Variants in PCDHA13 observed in about 807,000 individuals in gnomAD.
PCDHA13 encodes the protein protocadherin alpha-13.
Under a neutral mutation model 64.8 loss-of-function variants are expected in PCDHA13, and 54 were observed. The observed-to-expected ratio is 0.83, with a 90% CI of 0.67 to 1.04. The LOEUF is 1.04. PCDHA13 is among the 50% of genes least tolerant of loss of function. The pLI is 0.00. For missense variants in PCDHA13, 1,248 were observed against 1,254.3 expected, an observed-to-expected ratio of 0.99 and a Z score of 0.08; for synonymous variants, 587 against 564.4, an observed-to-expected ratio of 1.04 and a Z score of -0.57.
At chr5:140,941,570 C>T (rs892912533) in intron 1 of PCDHA13, among the ~76,000 whole-genome samples, 17 of 152,046 alleles carry the variant, frequency 1.1e-4, no homozygotes, top group African/African-American at 4.1e-4. Context: ...TCGCCTCAGC[C>T]TCCCAAAGTG....
At chr5:140,946,893 A>T (rs1233227457) in intron 1 of PCDHA13, among the ~76,000 whole-genome samples, 1 of 151,482 alleles carries the variant, frequency 6.6e-6, no homozygotes, top group African/African-American at 2.4e-5. Context: ...TTACAATTAG[A>T]TAGGAAGAAT....
At chr5:141,005,311 A>C (rs2098206135) in intron 3 of PCDHA13, among the ~76,000 whole-genome samples, 6 of 152,310 alleles carry the variant, frequency 3.9e-5, no homozygotes, top group Middle Eastern at 6.8e-3. Flanking sequence ...TGAATCTTAC[A>C]GTGGTAGAGA....
intron 1 of PCDHA13, among the ~76,000 whole-genome samples, chr5:140,941,198 TC>T (rs2092794663): frequency 1.7e-5 from 2 of 119,812 alleles, no homozygotes; most frequent in African/African-American, 6.9e-5. Context: ...TTTTTTTCTT[TC>T]TTCCTTTCTT....
At chr5:140,942,754 A>C (rs1157116096) in intron 1 of PCDHA13, among the ~76,000 whole-genome samples, 1 of 152,212 alleles carries the variant, frequency 6.6e-6, no homozygotes, top group African/African-American at 2.4e-5. Context: ...TGTATAAATG[A>C]GATGGCATAA....
chr5:140,907,598 A>G (rs2073483512), intron 1 of PCDHA13, among the ~76,000 whole-genome samples: 1 of 152,198 alleles, frequency 6.6e-6, no homozygotes, highest in Admixed American at 6.5e-5. Context: ...CACCCTGAGG[A>G]ATGGTGCCAT....
At chr5:140,960,208 C>T (rs1295278624) in intron 1 of PCDHA13, among the ~76,000 whole-genome samples, 2 of 151,976 alleles carry the variant, frequency 1.3e-5, no homozygotes, top group Non-Finnish European at 2.9e-5. Flanking sequence ...GATGTTATTT[C>T]AGGATCTCAA....
At chr5:140,960,855 A>T (rs1363929142) in intron 1 of PCDHA13, among the ~76,000 whole-genome samples, 1 of 152,204 alleles carries the variant, frequency 6.6e-6, no homozygotes, top group Non-Finnish European at 1.5e-5. Context: ...GGCAACTATA[A>T]GCCAGAAATT....
At chr5:140,926,719 A>G (rs1315762828) in intron 1 of PCDHA13, 38 of 986,432 alleles carry the variant, frequency 3.9e-5, no homozygotes, top group Non-Finnish European at 4.4e-5. Flanking sequence ...AGCCCCGGCA[A>G]TGCCGGCGTT....
chr5:140,882,474 A>G lies in PCDHA13; in HGVS notation c.206A>G (p.Lys69Arg). The G allele has an allele frequency of 6.2e-7, 1 of 1,614,054 alleles. No homozygotes were observed. The highest frequency in any genetic ancestry group is 8.5e-7 in the Non-Finnish European group (1 of 1,180,042). The change falls in exon 1 of 4, where the codon AAA becomes AGA. Residue 69 changes from lysine to arginine, a missense_variant. Lys to Arg is a conservative substitution (Grantham distance 26). Coordinates refer to ENST00000289272, the MANE Select transcript of PCDHA13 (RefSeq NM_018904.3). ...LVPRLFRVAS[K>R]RHGDLLEVNL... is the part of the protein sequence containing the mutation. ...CCGCGCCTGTTCCGGGTGGCGTCCA[A>G]AAGACACGGGGACCTTCTGGAGGTA...
intron 3 of PCDHA13, among the ~76,000 whole-genome samples, chr5:140,982,798 T>C (rs1310396823): frequency 2.0e-5 from 3 of 151,768 alleles, no homozygotes; most frequent in African/African-American, 7.3e-5. Flanking sequence ...TGTGTGCATG[T>C]GTGTGTGTGT....
chr5:140,976,023 A>C (rs907977893), intron 1 of PCDHA13, among the ~76,000 whole-genome samples: 1 of 152,206 alleles, frequency 6.6e-6, no homozygotes, highest in Non-Finnish European at 1.5e-5. Flanking sequence ...AAATAATCAC[A>C]GTTATTTCAA....
chr5:140,972,260 C>T (rs155805), intron 1 of PCDHA13, among the ~76,000 whole-genome samples: 8,116 of 151,624 alleles, frequency 0.054, 294 homozygotes, highest in Middle Eastern at 0.15. Flanking sequence ...ACACATCAGC[C>T]TCCTGAGTAG....
In PCDHA13 at chr5:141,010,089, G is replaced by A. The variant is rs1588251277; in HGVS notation, c.*152G>A. 3.7e-6 allele frequency: 6 copies of A among 1,612,294 alleles called. No individual in the cohort carries two copies. The highest frequency in any genetic ancestry group is 5.1e-6 in the Non-Finnish European group (6 of 1,179,138). ...AAAGTTCCCTGTGTCTGTCTAGAAC[G>A]CATTTAACAGGTTTTGTCGTAAAAG... On this transcript the variant is annotated 3_prime_UTR_variant, in exon 4 of 4. Transcript: ENST00000289272.
chr5:140,953,340 C>T (rs2094876353), intron 1 of PCDHA13, among the ~76,000 whole-genome samples: 1 of 152,066 alleles, frequency 6.6e-6, no homozygotes, highest in Non-Finnish European at 1.5e-5. Context: ...TAGGGCTCAC[C>T]TTCTTTTGTT....
chr5:140,967,425 C>G, intron 1 of PCDHA13: 2 of 1,613,296 alleles, frequency 1.2e-6, no homozygotes, highest in Non-Finnish European at 1.7e-6. Context: ...CGGGAGCAGG[C>G]AGCCTTGCAC....
chr5:140,991,879 G>A (rs1464021872), intron 3 of PCDHA13, among the ~76,000 whole-genome samples: 1 of 152,174 alleles, frequency 6.6e-6, no homozygotes, highest in Non-Finnish European at 1.5e-5. Flanking sequence ...TCCTAGGGCT[G>A]CCATAACAAA....
chr5:140,922,272 G>A (rs547313117), intron 1 of PCDHA13, among the ~76,000 whole-genome samples: 37 of 152,312 alleles, frequency 2.4e-4, no homozygotes, highest in African/African-American at 8.7e-4. Flanking sequence ...ATGAAGATTG[G>A]ACCAAGATAT....
chr5:140,886,413 C>T (rs1465937681), intron 1 of PCDHA13, among the ~76,000 whole-genome samples: 1 of 152,042 alleles, frequency 6.6e-6, no homozygotes, highest in Non-Finnish European at 1.5e-5. Flanking sequence ...ATGTTTTCCT[C>T]CTATATTATT....
intron 3 of PCDHA13, among the ~76,000 whole-genome samples, chr5:140,999,645 G>C (rs1417751593): frequency 6.6e-6 from 1 of 152,156 alleles, no homozygotes; most frequent in Non-Finnish European, 1.5e-5. Context: ...AAACTGTGCA[G>C]CCTGAGCCCT....
Sources: gnomAD v4.1 joint callset for allele counts (sites outside exome capture counted in the v4.1 genomes callset) on GRCh38, gnomAD v4.1.1 for gene constraint, MANE v1.5 for transcripts, NCBI Gene and HGNC (gene_info 2026-07-23, HGNC 2026-07-21) for gene names.